The following EMSY variants were observed in gnomAD, a reference collection of about 807,000 sequenced individuals.
The protein encoded by EMSY is EMSY transcriptional repressor, BRCA2 interacting, also known as BRCA2-interacting transcriptional repressor EMSY.
A neutral mutation model predicts 134.6 loss-of-function variants in EMSY; 26 were observed. The ratio of observed to expected loss-of-function variants is 0.19; its 90% CI spans 0.14 to 0.27. EMSY has a LOEUF of 0.27. Ranked by LOEUF, EMSY falls within the 10% of genes least tolerant of loss-of-function variation. The pLI is 1.00. For missense variants in EMSY, 1,305 were observed against 1,611.4 expected (o/e 0.81, Z 3.26); for synonymous variants, 579 against 577.8 (o/e 1.00, Z -0.03).
intron 8 of EMSY, among the ~76,000 whole-genome samples, chr11:76,489,858 G>C (rs1949348930): frequency 1.3e-5 from 2 of 151,994 alleles, no homozygotes; most frequent in African/African-American, 4.8e-5. Flanking sequence ...ATCCACCTCG[G>C]CCTCCCAAAG....
At chr11:76,453,764 T>C (rs1212421158) in intron 4 of EMSY, 1 of 154,716 alleles carries the variant, frequency 6.5e-6, no homozygotes, top group Non-Finnish European at 1.4e-5. Context: ...TATTACCTTA[T>C]AAATAGGCGT....
At chr11:76,449,637 T>G (rs997770619) in intron 2 of EMSY, among the ~76,000 whole-genome samples, 4 of 152,216 alleles carry the variant, frequency 2.6e-5, no homozygotes, top group African/African-American at 9.6e-5. Flanking sequence ...CTTCTGTCAT[T>G]ACTTCCCACA....
exon 18 of EMSY, chr11:76,542,335 T>C: frequency 6.2e-7 from 1 of 1,614,186 alleles, no homozygotes; most frequent in Non-Finnish European, 8.5e-7. Context: ...CCCAGCATCT[T>C]CCCCTGGAGC....
intron 11 of EMSY, among the ~76,000 whole-genome samples, chr11:76,519,677 A>G (rs1950577474): frequency 6.6e-6 from 1 of 152,172 alleles, no homozygotes; most frequent in East Asian, 1.9e-4. Context: ...TGATTTTAGA[A>G]TCTGTAAATA....
At chr11:76,537,728 T>C in intron 15 of EMSY, 67 bp from the exon 17 acceptor site, 1 of 1,399,950 alleles carries the variant, frequency 7.1e-7, no homozygotes, top group Non-Finnish European at 9.8e-7. Flanking sequence ...ATTATTCCTG[T>C]GGACAACTCT....
chr11:76,519,144 T>A (rs1466065731), intron 11 of EMSY, among the ~76,000 whole-genome samples: 3 of 150,844 alleles, frequency 2.0e-5, no homozygotes, highest in Non-Finnish European at 3.0e-5. Flanking sequence ...TGCTCACTGC[T>A]ACCCCCGCCT....
intron 19 of EMSY, among the ~76,000 whole-genome samples, chr11:76,545,327 A>G (rs1393386640): frequency 6.6e-6 from 1 of 152,204 alleles, no homozygotes; most frequent in Non-Finnish European, 1.5e-5. Context: ...AAGCAAAATT[A>G]TATTAGCAAA....
Position 76,510,486 on chromosome 11 carries a change from C to T in EMSY, c.1364-2900C>T, listed in dbSNP as rs187845731. The stretch of plus-strand genomic sequence containing the variant: ...AGTGACAGACTTCTCTGACAGACCC[C>T]TGCTTTACGCACTGAGTGCTCACAG... On this transcript the variant is annotated intron_variant, in intron 9 of 20. Transcript: ENST00000334736. Among the ~76,000 whole-genome samples the T allele has an allele frequency of 2.6e-5, 4 of 152,300 alleles. No individual in the cohort carries two copies. In the East Asian group the frequency reaches 7.7e-4, roughly 29 times the overall value.
chr11:76,528,584 C>CTT, intron 14 of EMSY, 118 bp downstream of exon 15: 3 of 523,226 alleles, frequency 5.7e-6, no homozygotes, highest in Non-Finnish European at 9.0e-6. Context: ...CAATTCTTTT[C>CTT]CTTTTTTTTT....
At chr11:76,529,934 G>A (rs1338860744) in intron 14 of EMSY, among the ~76,000 whole-genome samples, 1 of 151,998 alleles carries the variant, frequency 6.6e-6, no homozygotes, top group South Asian at 2.1e-4. Context: ...AGTTTCTTGA[G>A]CAATACTGGC....
At chr11:76,495,825 T>C (rs1412202785) in intron 8 of EMSY, among the ~76,000 whole-genome samples, 2 of 152,174 alleles carry the variant, frequency 1.3e-5, no homozygotes. Flanking sequence ...ATATATAACA[T>C]ATAAATAAGA....
At chr11:76,459,587 A>G in intron 5 of EMSY, 1 of 195,306 alleles carries the variant, frequency 5.1e-6, no homozygotes, top group Non-Finnish European at 1.1e-5. Flanking sequence ...TAGTATTAAA[A>G]GGGAATACAA....
chr11:76,534,441 T>G (rs1198148643), intron 14 of EMSY, among the ~76,000 whole-genome samples: 1 of 152,188 alleles, frequency 6.6e-6, no homozygotes, highest in Non-Finnish European at 1.5e-5. Flanking sequence ...TATCTTCATG[T>G]GGCATATATT....
chr11:76,535,634 T>C (rs746194127), intron 14 of EMSY, among the ~76,000 whole-genome samples: 1 of 152,172 alleles, frequency 6.6e-6, no homozygotes, highest in Non-Finnish European at 1.5e-5. Flanking sequence ...TGAGCTCCTT[T>C]ATATCTTCAA....
At chr11:76,532,013 C>T (rs1422131615) in intron 14 of EMSY, among the ~76,000 whole-genome samples, 1 of 152,100 alleles carries the variant, frequency 6.6e-6, no homozygotes, top group Non-Finnish European at 1.5e-5. Flanking sequence ...TTGAGACTTT[C>T]CTTGATCACC....
At chr11:76,490,855 GGTGT>G (rs61555535) in intron 8 of EMSY, among the ~76,000 whole-genome samples, 14 of 148,590 alleles carry the variant, frequency 9.4e-5, no homozygotes, top group East Asian at 2.0e-4. Context: ...ATTGCTAGGG[GGTGT>G]GTGTGTGTGT....
intron 9 of EMSY, among the ~76,000 whole-genome samples, chr11:76,500,233 ATACTTAATGT>A (rs1233344619): frequency 1.3e-5 from 2 of 152,208 alleles, no homozygotes; most frequent in Non-Finnish European, 2.9e-5. Context: ...ACTTAATATA[ATACTTAATGT>A]TACTTAATGT....
chr11:76,491,170 C>G (rs79101084), intron 8 of EMSY, among the ~76,000 whole-genome samples: 1 of 134,984 alleles, frequency 7.4e-6, no homozygotes, highest in Non-Finnish European at 1.6e-5. Flanking sequence ...ATTTCTTCTT[C>G]TTTTTTCTTT....
At chr11:76,512,988 G>C (rs1950330663) in intron 9 of EMSY, among the ~76,000 whole-genome samples, 1 of 152,130 alleles carries the variant, frequency 6.6e-6, no homozygotes, top group Non-Finnish European at 1.5e-5. Context: ...TTTTGGCGAA[G>C]TTGGGGATAC....
Sources: gnomAD v4.1 joint callset for allele counts (sites outside exome capture counted in the v4.1 genomes callset) on GRCh38, gnomAD v4.1.1 for gene constraint, MANE v1.5 for transcripts, NCBI Gene and HGNC (gene_info 2026-07-23, HGNC 2026-07-21) for gene names.